The following DLG2 variants were observed in gnomAD, a reference collection of about 807,000 sequenced individuals.
DLG2 encodes discs large MAGUK scaffold protein 2.
DLG2 carries 45 observed loss-of-function variants against 132.5 expected under a neutral mutation model. That is an observed-to-expected ratio of 0.34 (90% CI 0.27 to 0.44). The LOEUF (loss-of-function observed/expected upper bound fraction) is 0.44, where lower values mean the gene tolerates loss of function less well. DLG2 is among the 20% of genes least tolerant of loss of function. DLG2 has a pLI of 1.00. For missense variants in DLG2, 1,045 were observed against 1,196.9 expected, an observed-to-expected ratio of 0.87 and a Z score of 1.87; for synonymous variants, 424 against 419.6, an observed-to-expected ratio of 1.01 and a Z score of -0.13.
chr11:85,324,219 C>T (rs1293754582), intron 3 of DLG2, among the ~76,000 whole-genome samples: 2 of 152,084 alleles, frequency 1.3e-5, no homozygotes, highest in South Asian at 2.1e-4. Context: ...CACCAGAATT[C>T]CTGTCTTTGA....
intron 17 of DLG2, among the ~76,000 whole-genome samples, chr11:83,813,189 T>A (rs2047844878): frequency 6.6e-6 from 1 of 152,122 alleles, no homozygotes. Context: ...TACTTTTTCA[T>A]CTTCTTAACC....
Position 85,045,538 on chromosome 11 carries a change from T to C in DLG2, c.357+66123A>G, listed in dbSNP as rs1173375331. ...TATCTTCATTAAAAGAGAGAGGTTG[T>C]AGGAGGGCTAAACAACAACAAAAGA... is the stretch of plus-strand genomic sequence containing the variant. On this transcript the variant is annotated intron_variant, in intron 6 of 27. Coordinates refer to ENST00000376104, the MANE Select transcript of DLG2 (RefSeq NM_001142699.3). Among the ~76,000 whole-genome samples the C allele has an allele frequency of 2.6e-5, 4 of 151,982 alleles. No individual in the cohort carries two copies. The South Asian group carries it at 8.3e-4, about 32-fold the overall frequency.
intron 15 of DLG2, among the ~76,000 whole-genome samples, chr11:83,907,747 G>T (rs76395850): frequency 6.6e-6 from 1 of 152,122 alleles, no homozygotes; most frequent in African/African-American, 2.4e-5. Flanking sequence ...CTCAGGAAAT[G>T]TGGCAAGAAG....
At chr11:83,656,062 T>G (rs988501685) in intron 18 of DLG2, among the ~76,000 whole-genome samples, 1 of 152,192 alleles carries the variant, frequency 6.6e-6, no homozygotes, top group African/African-American at 2.4e-5. Flanking sequence ...CCATAACATG[T>G]CTGAGATTAC....
At chr11:84,815,593 T>C (rs1360985142) in intron 6 of DLG2, among the ~76,000 whole-genome samples, 2 of 152,030 alleles carry the variant, frequency 1.3e-5, no homozygotes, top group Non-Finnish European at 2.9e-5. Context: ...ATCTTGAGAA[T>C]TGTTTCCTGG....
intron 18 of DLG2, among the ~76,000 whole-genome samples, chr11:83,771,972 C>A (rs1439428197): frequency 1.3e-5 from 2 of 152,128 alleles, no homozygotes; most frequent in East Asian, 3.9e-4. Flanking sequence ...ATGCCAGTAA[C>A]CTCTTTAAAG....
At chr11:83,574,262 T>C (rs1028508844) in intron 19 of DLG2, among the ~76,000 whole-genome samples, 22 of 152,276 alleles carry the variant, frequency 1.4e-4, no homozygotes, top group African/African-American at 5.3e-4. Context: ...TATCAGCATG[T>C]ACTGATTTTA....
chr11:83,794,408 T>C (rs1048444378), intron 17 of DLG2, among the ~76,000 whole-genome samples: 7 of 150,974 alleles, frequency 4.6e-5, no homozygotes, highest in African/African-American at 1.5e-4. Flanking sequence ...AAATACCAAG[T>C]GTGACACAGC....
chr11:84,417,970 C>A (rs1249291266), intron 7 of DLG2, among the ~76,000 whole-genome samples: 1 of 152,158 alleles, frequency 6.6e-6, no homozygotes, highest in African/African-American at 2.4e-5. Context: ...ATACACTTTA[C>A]ATGTAATATA....
chr11:84,795,959 G>A (rs1228208815), intron 6 of DLG2, among the ~76,000 whole-genome samples: 3 of 152,180 alleles, frequency 2.0e-5, no homozygotes, highest in Non-Finnish European at 2.9e-5. Flanking sequence ...GCAGTGCCTG[G>A]ACCCCATGCT....
At chr11:85,238,275 G>T (rs2152668461) in intron 4 of DLG2, among the ~76,000 whole-genome samples, 1 of 141,256 alleles carries the variant, frequency 7.1e-6, no homozygotes, top group Non-Finnish European at 1.5e-5. Flanking sequence ...ACAGAGTCTT[G>T]CTTTGTTGCC....
intron 4 of DLG2, among the ~76,000 whole-genome samples, chr11:85,166,629 G>C (rs921042295): frequency 1.3e-5 from 2 of 151,268 alleles, no homozygotes; most frequent in African/African-American, 4.9e-5. Flanking sequence ...ATCTCTTTAG[G>C]AACAACCTAG....
At chr11:84,181,412 C>A (rs2096124138) in intron 8 of DLG2, among the ~76,000 whole-genome samples, 1 of 151,192 alleles carries the variant, frequency 6.6e-6, no homozygotes. Flanking sequence ...CGAAAAAAGG[C>A]AGAAAAAGTG....
intron 14 of DLG2, among the ~76,000 whole-genome samples, chr11:83,954,990 G>GT (rs983464263): frequency 2.0e-5 from 3 of 151,166 alleles, no homozygotes; most frequent in Non-Finnish European, 4.4e-5. Context: ...GAGCAGCTGC[G>GT]TAATATTGTT....
intron 3 of DLG2, among the ~76,000 whole-genome samples, chr11:85,443,364 G>C (rs2091872364): frequency 6.6e-6 from 1 of 152,194 alleles, no homozygotes; most frequent in African/African-American, 2.4e-5. Flanking sequence ...ACATAGCCCT[G>C]TGTTAAGTGG....
At chr11:84,222,238 G>A (rs968020279) in intron 8 of DLG2, among the ~76,000 whole-genome samples, 1 of 152,036 alleles carries the variant, frequency 6.6e-6, no homozygotes, top group African/African-American at 2.4e-5. Flanking sequence ...CACCATGTTG[G>A]CCAGTCTGAT....
chr11:84,678,898 C>T (rs2099721683), intron 6 of DLG2, among the ~76,000 whole-genome samples: 2 of 152,032 alleles, frequency 1.3e-5, no homozygotes, highest in East Asian at 1.9e-4. Flanking sequence ...AGCAGTAATA[C>T]TTATTGCATA....
intron 11 of DLG2, among the ~76,000 whole-genome samples, chr11:84,039,728 T>C (rs1199244516): frequency 2.0e-5 from 2 of 101,978 alleles, no homozygotes; most frequent in African/African-American, 6.0e-5. Flanking sequence ...CCTTTGGGTA[T>C]ATACCCAGTA....
chr11:84,590,246 G>A (rs1336432298), intron 6 of DLG2, among the ~76,000 whole-genome samples: 1 of 152,140 alleles, frequency 6.6e-6, no homozygotes, highest in Non-Finnish European at 1.5e-5. Context: ...ATTTAAATGT[G>A]GTAATGGCAG....
Sources: allele counts gnomAD v4.1 joint callset (sites outside exome capture counted in the v4.1 genomes callset), GRCh38; gene constraint gnomAD v4.1.1; transcripts MANE v1.5; gene names NCBI Gene and HGNC (gene_info 2026-07-23, HGNC 2026-07-21).